The following RBMS3 variants were observed in gnomAD, a reference collection of about 807,000 sequenced individuals.
RBMS3 encodes the protein RNA-binding motif, single-stranded-interacting protein 3.
Under a neutral mutation model 66.8 loss-of-function variants are expected in RBMS3, and 27 were observed. That is an observed-to-expected ratio of 0.40 (90% CI 0.30 to 0.56). The LOEUF (loss-of-function observed/expected upper bound fraction) is 0.56. Among genes scored for constraint, RBMS3 ranks in the 20% least tolerant of loss-of-function variants. The pLI is 0.40. For missense variants in RBMS3, 513 were observed against 549.5 expected (o/e 0.93, Z 0.66); for synonymous variants, 188 against 183.0 (o/e 1.03, Z -0.22).
At chr3:29,459,818 G>A (rs1418194346) in intron 2 of RBMS3, among the ~76,000 whole-genome samples, 1 of 152,150 alleles carries the variant, frequency 6.6e-6, no homozygotes, top group Non-Finnish European at 1.5e-5. Flanking sequence ...ATTTAGAGCC[G>A]CAATTTGCTA....
At chr3:29,908,258 AAAAC>A (rs555125644) in intron 10 of RBMS3, among the ~76,000 whole-genome samples, 33 of 145,328 alleles carry the variant, frequency 2.3e-4, no homozygotes, top group Admixed American at 9.3e-4. Context: ...CTCAAAAAAA[AAAAC>A]AAACAAACAG....
chr3:29,739,783 G>A lies in RBMS3; in HGVS notation c.463G>A (p.Glu155Lys). The A allele has an allele frequency of 6.2e-7, 1 of 1,612,994 alleles. No individual in the cohort carries two copies. Among genetic ancestry groups the A allele is most frequent in the Non-Finnish European group, 8.5e-7 (1 of 1,179,246 alleles). Residue 155 changes from glutamate (E) to lysine (K), a missense_variant, in exon 5 of 15, where the codon GAG becomes AAG. Coordinates refer to ENST00000383767, the MANE Select transcript of RBMS3 (RefSeq NM_001003793.3). Reference sequence around the variant, plus strand: ...TCTCCCCATTTCTATGGATGAGCAGGAGCTTGAGAATATGCTGAAACCCTT... The same window carrying A: ...TCTCCCCATTTCTATGGATGAGCAGAAGCTTGAGAATATGCTGAAACCCTT... ...SNLPISMDEQ[E>K]LENMLKPFGH...
intron 3 of RBMS3, among the ~76,000 whole-genome samples, chr3:29,539,879 G>T (rs776207096): frequency 6.6e-6 from 1 of 152,140 alleles, no homozygotes; most frequent in Non-Finnish European, 1.5e-5. Flanking sequence ...TTCACAGAAG[G>T]TATCAGTTTA....
chr3:29,335,344 T>C (rs570427995), intron 1 of RBMS3, among the ~76,000 whole-genome samples: 1 of 152,300 alleles, frequency 6.6e-6, no homozygotes, highest in South Asian at 2.1e-4. Flanking sequence ...TGTGCCCATA[T>C]AATGCCTGTT....
chr3:29,672,532 C>G (rs1336610453), intron 4 of RBMS3, among the ~76,000 whole-genome samples: 1 of 152,256 alleles, frequency 6.6e-6, no homozygotes, highest in African/African-American at 2.4e-5. Context: ...GTGCTATATT[C>G]AGGAGACCCA....
intron 1 of RBMS3, among the ~76,000 whole-genome samples, chr3:29,385,265 A>G (rs921995103): frequency 2.6e-5 from 4 of 152,274 alleles, no homozygotes; most frequent in African/African-American, 9.6e-5. Context: ...GACCTTCGCA[A>G]CTAATCCTAT....
At chr3:29,732,430 C>A (rs999446184) in intron 4 of RBMS3, among the ~76,000 whole-genome samples, 6 of 152,116 alleles carry the variant, frequency 3.9e-5, no homozygotes, top group African/African-American at 1.4e-4. Context: ...TAAACTCATT[C>A]AAAAATAGCC....
chr3:29,960,595 A>G (rs1386310818), intron 12 of RBMS3, among the ~76,000 whole-genome samples: 2 of 152,120 alleles, frequency 1.3e-5, no homozygotes, highest in African/African-American at 2.4e-5. Context: ...GAAGTTCTCC[A>G]TGAGAGTTCT....
intron 3 of RBMS3, among the ~76,000 whole-genome samples, chr3:29,553,534 T>C (rs924086429): frequency 6.6e-5 from 10 of 152,092 alleles, no homozygotes; most frequent in Non-Finnish European, 1.5e-5. Flanking sequence ...GGGAATAATC[T>C]TGGGCCAGGT....
At chr3:29,481,595 A>G (rs76911873) in intron 2 of RBMS3, among the ~76,000 whole-genome samples, 6,380 of 152,238 alleles carry the variant, frequency 0.042, 314 homozygotes, top group African/African-American at 0.12. Flanking sequence ...GCATATGGGA[A>G]GGTAGTGGAG....
intron 3 of RBMS3, among the ~76,000 whole-genome samples, chr3:29,492,536 C>T (rs183558011): frequency 1.2e-4 from 18 of 152,020 alleles, no homozygotes; most frequent in African/African-American, 4.3e-4. Flanking sequence ...AAAGTATCTG[C>T]GGAGAAATAA....
At position 29,799,885 on chromosome 3, in the gene RBMS3, T is replaced by C. The variant is rs542640590; in HGVS notation, c.637+36896T>C. The stretch of plus-strand genomic sequence containing the variant: ...TCCTCTGGCCCATTGGGAGCTTTAG[T>C]TATATCAGCAAATAGGTGGGAAAAG... On this transcript the variant is annotated intron_variant, in intron 6 of 14. Coordinates refer to ENST00000383767, the MANE Select transcript of RBMS3 (RefSeq NM_001003793.3). Among the ~76,000 whole-genome samples the C allele has an allele frequency of 7.2e-5, 11 of 152,292 alleles. No homozygotes were observed. In the South Asian group the frequency reaches 2.1e-3, roughly 29 times the overall value.
chr3:29,737,957 C>T (rs1303471373), intron 4 of RBMS3, among the ~76,000 whole-genome samples: 2 of 151,928 alleles, frequency 1.3e-5, no homozygotes, highest in African/African-American at 4.8e-5. Context: ...AATATTAAGG[C>T]TCTAGTCATC....
At chr3:29,949,581 G>A (rs1274994134) in intron 12 of RBMS3, among the ~76,000 whole-genome samples, 2 of 151,440 alleles carry the variant, frequency 1.3e-5, no homozygotes, top group Non-Finnish European at 2.9e-5. Context: ...CTTAAAATTC[G>A]CATTTTTGAG....
In RBMS3 at chr3:29,331,146, G is replaced by T. The variant is rs144010344; in HGVS notation, c.75+49390G>T. Among the ~76,000 whole-genome samples, 251 of 152,208 alleles carry T rather than the reference G, an allele frequency of 1.6e-3. 1 individual carries two copies. The highest frequency in any genetic ancestry group is 5.8e-3 in the African/African-American group (242 of 41,524). On this transcript the variant is annotated intron_variant, in intron 1 of 14. Coordinates refer to ENST00000383767, the MANE Select transcript of RBMS3 (RefSeq NM_001003793.3). ...GCCTGTCCTCTCCCATTTTCAACCA[G>T]TCTGTGCGCTGCCTGGTGTTGGCAC...
At chr3:30,001,421 G>A (rs1213809533) in intron 14 of RBMS3, among the ~76,000 whole-genome samples, 1 of 151,892 alleles carries the variant, frequency 6.6e-6, no homozygotes, top group Non-Finnish European at 1.5e-5. Context: ...TGAGGGTGGA[G>A]GAGTGAGGAG....
intron 1 of RBMS3, among the ~76,000 whole-genome samples, chr3:29,404,372 G>A (rs1398170567): frequency 2.0e-5 from 3 of 152,008 alleles, no homozygotes; most frequent in African/African-American, 7.2e-5. Flanking sequence ...CATGATTGCT[G>A]AAATCCAATG....
chr3:29,482,710 T>C (rs9826656), intron 2 of RBMS3, among the ~76,000 whole-genome samples: 3 of 108,686 alleles, frequency 2.8e-5, no homozygotes, highest in Admixed American at 1.1e-4. Context: ...TCTTTTTTTT[T>C]TTTTTTTTTT....
At chr3:29,356,841 A>G (rs2125570438) in intron 1 of RBMS3, among the ~76,000 whole-genome samples, 1 of 152,240 alleles carries the variant, frequency 6.6e-6, no homozygotes, top group African/African-American at 2.4e-5. Context: ...GATAGCATTT[A>G]TTGCATTGAG....
Sources: gnomAD v4.1 joint callset for allele counts (sites outside exome capture counted in the v4.1 genomes callset) on GRCh38, gnomAD v4.1.1 for gene constraint, MANE v1.5 for transcripts, NCBI Gene and HGNC (gene_info 2026-07-23, HGNC 2026-07-21) for gene names.